NBEA: variants seen among roughly 807,000 people sequenced by gnomAD.
NBEA encodes lysosomal-trafficking regulator 2.
A neutral mutation model predicts 343.4 loss-of-function variants in NBEA; 44 were observed. That is an observed-to-expected ratio of 0.13 (90% confidence interval 0.10 to 0.16). The LOEUF is 0.16. Among genes scored for constraint, NBEA ranks in the 10% least tolerant of loss-of-function variants. NBEA has a pLI of 1.00. For missense variants in NBEA, 2,555 were observed against 3,631.3 expected (o/e 0.70, Z 7.62); for synonymous variants, 1,175 against 1,238.7 (o/e 0.95, Z 1.08).
chr13:35,358,258 A>G (rs1461827708), intron 38 of NBEA, among the ~76,000 whole-genome samples: 2 of 148,168 alleles, frequency 1.3e-5, no homozygotes, highest in Non-Finnish European at 3.0e-5. Flanking sequence ...TCCCGACCTC[A>G]AGTGATCTGC....
chr13:35,575,296 TA>T (rs2080681025), intron 45 of NBEA, among the ~76,000 whole-genome samples: 1 of 152,188 alleles, frequency 6.6e-6, no homozygotes, highest in Non-Finnish European at 1.5e-5. Context: ...ATTAACAGTA[TA>T]AAATTGCAAA....
chr13:35,027,485 A>G (rs2062056463), intron 1 of NBEA, among the ~76,000 whole-genome samples: 1 of 151,724 alleles, frequency 6.6e-6, no homozygotes, highest in South Asian at 2.1e-4. Context: ...CCATCCATAG[A>G]TCCTCTTTGA....
At chr13:35,655,053 A>G (rs2084749214) in intron 54 of NBEA, 43 bp downstream of exon 54, 1 of 1,395,078 alleles carries the variant, frequency 7.2e-7, no homozygotes. Flanking sequence ...CAAAATGACT[A>G]TTGTTAAAAC....
intron 45 of NBEA, among the ~76,000 whole-genome samples, chr13:35,571,547 A>G (rs1007150425): frequency 6.6e-6 from 1 of 152,204 alleles, no homozygotes; most frequent in Non-Finnish European, 1.5e-5. Context: ...TTAACACCGT[A>G]AAGTAGTTAA....
chr13:35,025,632 C>T (rs147576574), intron 1 of NBEA, among the ~76,000 whole-genome samples: 14 of 151,942 alleles, frequency 9.2e-5, no homozygotes, highest in African/African-American at 3.1e-4. Context: ...CCTGTGACGT[C>T]TTTGTTTTAG....
chr13:35,372,079 A>G (rs1050632917), intron 38 of NBEA, among the ~76,000 whole-genome samples: 5 of 152,114 alleles, frequency 3.3e-5, no homozygotes, highest in African/African-American at 1.2e-4. Flanking sequence ...AGGCATACCA[A>G]TTTTTGAGTT....
chr13:35,243,898 G>T (rs1249471563), intron 34 of NBEA, among the ~76,000 whole-genome samples: 2 of 151,742 alleles, frequency 1.3e-5, no homozygotes, highest in African/African-American at 4.8e-5. Flanking sequence ...AGATCAATTG[G>T]ACTTAACAGA....
At chr13:35,211,706 T>C (rs928589970) in intron 33 of NBEA, among the ~76,000 whole-genome samples, 11 of 151,658 alleles carry the variant, frequency 7.3e-5, no homozygotes, top group African/African-American at 2.7e-4. Flanking sequence ...TCCCAGCCAC[T>C]CGGGAGGGAG....
chr13:35,236,823 A>G (rs1390217344), intron 34 of NBEA, among the ~76,000 whole-genome samples: 1 of 151,808 alleles, frequency 6.6e-6, no homozygotes, highest in Non-Finnish European at 1.5e-5. Flanking sequence ...CAGGCTCATT[A>G]AGCAAATTAA....
At chr13:35,492,221 A>G (rs2076527896) in intron 41 of NBEA, among the ~76,000 whole-genome samples, 1 of 151,934 alleles carries the variant, frequency 6.6e-6, no homozygotes, top group Admixed American at 6.6e-5. Context: ...AATGAGGGAT[A>G]AAAGACTATG....
rs1198035442 is a variant in NBEA, at chr13:35,165,239, GC to G, written c.4233+731del. 5 of 427,768 alleles carry G rather than the reference GC, an allele frequency of 1.2e-5. No individual in the cohort carries two copies. The East Asian group carries it at 3.3e-4, about 28-fold the overall frequency. 26.5% of individuals were successfully genotyped at this position (427,768 alleles called of 1,614,324 possible). On this transcript the variant is annotated intron_variant, in intron 24 of 58. Coordinates refer to ENST00000379939, the MANE Select transcript of NBEA (RefSeq NM_001385012.1). ...TCTAAGTGTATTTCATCATTAACAA[GC>G]TTTTTCTACATGACTCTTTTTCTTA...
At chr13:35,034,476 T>C (rs2062364093) in intron 1 of NBEA, among the ~76,000 whole-genome samples, 1 of 151,748 alleles carries the variant, frequency 6.6e-6, no homozygotes, top group Middle Eastern at 3.2e-3. Context: ...GTTTTCTTTA[T>C]TTTATTTTAT....
Position 34,942,844 on chromosome 13 carries a change from G to A in NBEA, c.24G>A (p.Pro8=), listed in dbSNP as rs1250718026. MASEKPG[P]GPGLEPQPVG... ...CAATGGCTAGCGAGAAGCCGGGCCCGGGCCCGGGGCTCGAGCCTCAGCCCG... is the reference window on the plus strand; with the variant it reads ...CAATGGCTAGCGAGAAGCCGGGCCCAGGCCCGGGGCTCGAGCCTCAGCCCG... The change falls in exon 1 of 59, where the codon CCG becomes CCA. Residue 8 remains proline, a synonymous_variant. Coordinates refer to ENST00000379939, the MANE Select transcript of NBEA (RefSeq NM_001385012.1). The A allele has an allele frequency of 7.3e-7, 1 of 1,365,500 alleles. No individual in the cohort carries two copies. The highest frequency in any genetic ancestry group is 9.5e-7 in the Non-Finnish European group (1 of 1,056,376). The allele number at this position is 1,365,500 out of a possible 1,614,324, so 84.6% of individuals were successfully genotyped here.
chr13:35,372,917 G>A (rs1012055066), intron 38 of NBEA, among the ~76,000 whole-genome samples: 9 of 152,146 alleles, frequency 5.9e-5, no homozygotes, highest in African/African-American at 1.2e-4. Context: ...GTGCCTTGAT[G>A]TAGCTGCTTA....
intron 49 of NBEA, among the ~76,000 whole-genome samples, chr13:35,637,451 A>G (rs1265209285): frequency 6.6e-6 from 1 of 152,156 alleles, no homozygotes; most frequent in Non-Finnish European, 1.5e-5. Flanking sequence ...ACTTCCGGAT[A>G]TATATCCAAA....
chr13:35,046,358 C>T (rs1378936922), intron 4 of NBEA, among the ~76,000 whole-genome samples: 3 of 152,130 alleles, frequency 2.0e-5, no homozygotes, highest in African/African-American at 4.8e-5. Flanking sequence ...AAACTGTCTA[C>T]TCGTTTTCTG....
At chr13:35,309,176 T>C (rs2037193417) in intron 35 of NBEA, among the ~76,000 whole-genome samples, 1 of 152,080 alleles carries the variant, frequency 6.6e-6, no homozygotes, top group Admixed American at 6.6e-5. Context: ...GCTAAAGTTT[T>C]CTATCCCAAA....
intron 34 of NBEA, among the ~76,000 whole-genome samples, chr13:35,275,578 T>C (rs2034522067): frequency 6.6e-6 from 1 of 152,064 alleles, no homozygotes; most frequent in African/African-American, 2.4e-5. Context: ...ACCTACAGAA[T>C]GGGAGAAAAT....
intron 33 of NBEA, 45 bp from the exon 34 acceptor site, chr13:35,232,447 T>C: frequency 4.1e-6 from 5 of 1,221,804 alleles, no homozygotes; most frequent in Non-Finnish European, 4.6e-6. Flanking sequence ...TTTGACATTT[T>C]ATATTGAATT....
Sources: gnomAD v4.1 joint callset for allele counts (sites outside exome capture counted in the v4.1 genomes callset) on GRCh38, gnomAD v4.1.1 for gene constraint, MANE v1.5 for transcripts, NCBI Gene and HGNC (gene_info 2026-07-23, HGNC 2026-07-21) for gene names.